SUCLG2: variants seen among roughly 807,000 people sequenced by gnomAD.
SUCLG2 encodes succinate-CoA ligase GDP-forming subunit beta.
In SUCLG2, 42 loss-of-function variants were observed where a neutral mutation model predicts 47.9. That is an observed-to-expected ratio of 0.88 (90% CI 0.69 to 1.14). SUCLG2 has a LOEUF of 1.14. SUCLG2 is among the 50% of genes most tolerant of loss of function. SUCLG2 has a pLI of 0.00. For synonymous variants in SUCLG2, 195 were observed against 197.3 expected, an observed-to-expected ratio of 0.99 and a Z score of 0.10; for missense variants, 571 against 525.9, an observed-to-expected ratio of 1.09 and a Z score of -0.84.
intron 2 of SUCLG2, among the ~76,000 whole-genome samples, chr3:67,552,571 G>A (rs1415271838): frequency 6.6e-6 from 1 of 152,190 alleles, no homozygotes; most frequent in Non-Finnish European, 1.5e-5. Context: ...ATACGAGAAC[G>A]TGGATTTGAG....
At chr3:67,514,454 C>T (rs1010599686) in intron 6 of SUCLG2, 1 of 245,608 alleles carries the variant, frequency 4.1e-6, no homozygotes, top group African/African-American at 2.3e-5. Flanking sequence ...TTCACGTACG[C>T]CTCTCAAATC....
chr3:67,398,898 A>T (rs1373080909), intron 10 of SUCLG2, among the ~76,000 whole-genome samples: 1 of 151,890 alleles, frequency 6.6e-6, no homozygotes, highest in Non-Finnish European at 1.5e-5. Context: ...GGAAATCGTC[A>T]TTCTCAGTAA....
At chr3:67,587,095 A>C (rs565565127) in intron 2 of SUCLG2, among the ~76,000 whole-genome samples, 208 of 152,316 alleles carry the variant, frequency 1.4e-3, no homozygotes, top group African/African-American at 4.7e-3. Context: ...TTCTAATGCT[A>C]TTCCAGTGAA....
chr3:67,600,858 G>A (rs1451897822), intron 2 of SUCLG2, among the ~76,000 whole-genome samples: 2 of 152,180 alleles, frequency 1.3e-5, no homozygotes, highest in Non-Finnish European at 2.9e-5. Flanking sequence ...AGGAGCCTGG[G>A]TTCCTGTGGC....
chr3:67,376,163 C>T (rs2171933), intron 10 of SUCLG2: 664,889 of 985,142 alleles, frequency 0.67, 224,771 homozygotes, highest in Middle Eastern at 0.82. Context: ...TTTTGGCCCA[C>T]ACCAGAAGTC....
intron 9 of SUCLG2, among the ~76,000 whole-genome samples, chr3:67,471,952 T>C (rs1704616489): frequency 6.9e-6 from 1 of 145,952 alleles, no homozygotes; most frequent in African/African-American, 2.5e-5. Context: ...ACATATTAGA[T>C]ATATGCATAC....
exon 11 of SUCLG2, chr3:67,360,541 C>A: frequency 7.4e-7 from 1 of 1,344,072 alleles, no homozygotes; most frequent in Non-Finnish European, 9.8e-7. Context: ...TAGCATGCAG[C>A]TGAACCCAAA....
downstream of SUCLG2, chr3:67,374,607 C>T: frequency 3.6e-6 from 1 of 274,950 alleles, no homozygotes; most frequent in Non-Finnish European, 5.5e-6. Context: ...CCTGGAATGA[C>T]CCAAATTATC....
rs1050565127 is a variant in SUCLG2, at chr3:67,531,608, G to A, written c.227-2422C>T. Reference sequence around the variant, plus strand: ...AACCAGTTCAGAGACTATGAAACCAGAGATCAGGACAAATAGAAAAAGACA... The same window carrying A: ...AACCAGTTCAGAGACTATGAAACCAAAGATCAGGACAAATAGAAAAAGACA... On this transcript the variant is annotated intron_variant, in intron 2 of 10. Coordinates refer to ENST00000307227, the MANE Select transcript of SUCLG2 (RefSeq NM_003848.4). 2.0e-5 allele frequency among the ~76,000 whole-genome samples: 3 copies of A among 152,152 alleles called. No individual in the cohort carries two copies. The East Asian group carries it at 5.8e-4, about 29-fold the overall frequency.
chr3:67,471,819 T>C lies in SUCLG2; in HGVS notation c.1062+23979A>G, dbSNP rs57768659. On this transcript the variant is annotated intron_variant, in intron 9 of 10. Transcript: ENST00000307227. ...TCCACTCACCAAGGCCAACTAAATATGCTTTCATGGAGCAAACCACATCCA... is the reference window on the plus strand; with the variant it reads ...TCCACTCACCAAGGCCAACTAAATACGCTTTCATGGAGCAAACCACATCCA... 4.2e-3 allele frequency among the ~76,000 whole-genome samples: 646 copies of C among 152,288 alleles called. 5 individuals are homozygous for C. The highest frequency in any genetic ancestry group is 0.015 in the African/African-American group (624 of 41,556).
At chr3:67,631,199 GCT>G (rs1700919580) in intron 1 of SUCLG2, among the ~76,000 whole-genome samples, 1 of 152,130 alleles carries the variant, frequency 6.6e-6, no homozygotes, top group African/African-American at 2.4e-5. Context: ...AAATGATAAG[GCT>G]CTCTGACTCT....
chr3:67,428,332 G>T (rs1157021869), intron 9 of SUCLG2, among the ~76,000 whole-genome samples: 2 of 152,122 alleles, frequency 1.3e-5, no homozygotes, highest in Non-Finnish European at 2.9e-5. Context: ...AGGCAAACAG[G>T]GTCTGGAGTG....
At chr3:67,403,888 T>A (rs920384720) in intron 9 of SUCLG2, among the ~76,000 whole-genome samples, 56 of 150,222 alleles carry the variant, frequency 3.7e-4, no homozygotes, top group African/African-American at 1.3e-3. Flanking sequence ...CTTTTTAGTT[T>A]ATTTATTTAT....
intron 9 of SUCLG2, among the ~76,000 whole-genome samples, chr3:67,453,784 C>T (rs1559532356): frequency 6.6e-6 from 1 of 152,164 alleles, no homozygotes; most frequent in African/African-American, 2.4e-5. Context: ...GAAGGCAATG[C>T]CTCTTGAAAA....
At chr3:67,621,798 GCTCCATAA>G (rs1302758325) in intron 1 of SUCLG2, among the ~76,000 whole-genome samples, 1 of 152,052 alleles carries the variant, frequency 6.6e-6, no homozygotes. Context: ...GACTCCTCAG[GCTCCATAA>G]CTATAAGAAA....
At chr3:67,365,945 T>C (rs1280650604) in intron 10 of SUCLG2, among the ~76,000 whole-genome samples, 1 of 152,142 alleles carries the variant, frequency 6.6e-6, no homozygotes, top group African/African-American at 2.4e-5. Context: ...TTTTCAAAAT[T>C]GAATAGATTT....
At chr3:67,406,174 G>T (rs1575675197) in intron 9 of SUCLG2, among the ~76,000 whole-genome samples, 1 of 152,120 alleles carries the variant, frequency 6.6e-6, no homozygotes, top group Non-Finnish European at 1.5e-5. Context: ...TTTGCTGTCA[G>T]TCTAAAAAAT....
intron 9 of SUCLG2, among the ~76,000 whole-genome samples, chr3:67,405,586 T>C (rs1457854178): frequency 6.6e-6 from 1 of 152,146 alleles, no homozygotes; most frequent in Non-Finnish European, 1.5e-5. Context: ...AGACCTCCAA[T>C]GGCAAGTGGT....
At chr3:67,526,581 A>G (rs1706261564) in intron 4 of SUCLG2, among the ~76,000 whole-genome samples, 1 of 152,202 alleles carries the variant, frequency 6.6e-6, no homozygotes, top group South Asian at 2.1e-4. Flanking sequence ...CAGATGGCAA[A>G]TAAGCACATG....
Sources: gnomAD v4.1 joint callset for allele counts (sites outside exome capture counted in the v4.1 genomes callset) on GRCh38, gnomAD v4.1.1 for gene constraint, MANE v1.5 for transcripts, NCBI Gene and HGNC (gene_info 2026-07-23, HGNC 2026-07-21) for gene names.